The following TARBP1 variants were observed in gnomAD, a reference collection of about 807,000 sequenced individuals.
TARBP1 encodes tRNA (guanosine(18)-2'-O)-methyltransferase TARBP1.
TARBP1 carries 144 observed loss-of-function variants against 178.6 expected under a neutral mutation model. The ratio of observed to expected loss-of-function variants is 0.81; its 90% CI spans 0.70 to 0.93. TARBP1 has a LOEUF of 0.93. TARBP1 is among the 40% of genes least tolerant of loss of function. The probability of loss-of-function intolerance (pLI) is 0.00; values close to 1 mark genes in which losing one functional copy is unlikely to be tolerated. For synonymous variants in TARBP1, 787 were observed against 781.0 expected, an observed-to-expected ratio of 1.01 and a Z score of -0.13; for missense variants, 2,067 against 2,011.7, an observed-to-expected ratio of 1.03 and a Z score of -0.53.
At chr1:234,458,170 C>T (rs1429470228) in intron 8 of TARBP1, among the ~76,000 whole-genome samples, 1 of 152,070 alleles carries the variant, frequency 6.6e-6, no homozygotes, top group Non-Finnish European at 1.5e-5. Context: ...ATGGCAAAAC[C>T]CCATCTCTAC....
chr1:234,396,207 C>T (rs148945948), intron 26 of TARBP1, among the ~76,000 whole-genome samples: 45 of 152,352 alleles, frequency 3.0e-4, no homozygotes, highest in Non-Finnish European at 5.3e-4. Flanking sequence ...TCCAGTAACA[C>T]TGTATTTCCC....
In TARBP1 at chr1:234,478,462, C is replaced by A. The variant is rs1469895064; in HGVS notation, c.642G>T (p.Leu214=). ...ACCCCAGGGACGCCCCAGGCGCGGC[C>A]AGCCCGCCCCACACGGCCCGCAGCG... ...GAALRAVWGG[L]AAPGASLGSG... The change falls in exon 1 of 30, where the codon CTG becomes CTT. Residue 214 remains leucine, a synonymous_variant. Coordinates refer to ENST00000040877, the MANE Select transcript of TARBP1 (RefSeq NM_005646.4). The A allele has an allele frequency of 2.9e-6, 4 of 1,382,114 alleles. No individual in the cohort carries two copies. The Admixed American group carries it at 1.1e-4, about 39-fold the overall frequency. The allele number at this position is 1,382,114 out of a possible 1,614,324, so 85.6% of individuals were successfully genotyped here.
intron 24 of TARBP1, among the ~76,000 whole-genome samples, chr1:234,402,888 C>G (rs960581589): frequency 6.6e-6 from 1 of 152,074 alleles, no homozygotes; most frequent in African/African-American, 2.4e-5. Context: ...AGCTGGCCCC[C>G]TCTTGTACCT....
chr1:234,464,086 T>TA (rs2103274193), intron 5 of TARBP1, 152 bp from the exon 6 acceptor site: 2 of 462,756 alleles, frequency 4.3e-6, no homozygotes, highest in African/African-American at 4.1e-5. Flanking sequence ...CATTTTTCAG[T>TA]AAAATTCTGA....
chr1:234,474,404 G>C (rs1669395771), intron 1 of TARBP1, among the ~76,000 whole-genome samples: 1 of 151,870 alleles, frequency 6.6e-6, no homozygotes, highest in African/African-American at 2.4e-5. Context: ...ACAGAAAACA[G>C]AAAGGGACGA....
At position 234,410,597 on chromosome 1, in the gene TARBP1, G is replaced by A. The variant is rs573097854; in HGVS notation, c.3706-66C>T. On this transcript the variant is annotated intron_variant, in intron 22 of 29. Transcript: ENST00000040877. ...TACTGTGAAACATGCACGTGAAAGC[G>A]CCGTGCTGGACTCTATGAGGGCCCA... is the stretch of plus-strand genomic sequence containing the variant. 2,666 of 1,054,768 alleles carry A rather than the reference G, an allele frequency of 2.5e-3. 11 individuals carry two copies. The highest frequency in any genetic ancestry group is 5.3e-3 in the Middle Eastern group (26 of 4,886). The allele number at this position is 1,054,768 out of a possible 1,614,324, so 65.3% of individuals were successfully genotyped here.
chr1:234,429,520 G>C lies in TARBP1; in HGVS notation c.2767C>G (p.Gln923Glu). ...GACTGCAAAGTCCTTATTGGCATCT[G>C]AACGGCAGGTAGAAACGGTTCCAGA... Reference protein sequence around the residue: ...EILEPFLPAVQMPIRTLQSAL... With the variant: ...EILEPFLPAVEMPIRTLQSAL... The change falls in exon 16 of 30, where the codon CAG becomes GAG. Residue 923 changes from glutamine (Q) to glutamate (E), a missense_variant. Transcript: ENST00000040877. 1 of 1,614,188 alleles carries C rather than the reference G, an allele frequency of 6.2e-7. No homozygotes were observed. Among genetic ancestry groups the C allele is most frequent in the Non-Finnish European group, 8.5e-7 (1 of 1,180,028 alleles).
intron 9 of TARBP1, among the ~76,000 whole-genome samples, chr1:234,455,351 C>T (rs1016534085): frequency 6.6e-6 from 1 of 152,160 alleles, no homozygotes; most frequent in Non-Finnish European, 1.5e-5. Context: ...TACCTGCAGA[C>T]TATTCATTTA....
intron 12 of TARBP1, among the ~76,000 whole-genome samples, chr1:234,443,324 C>T (rs1188788627): frequency 3.3e-5 from 5 of 151,846 alleles, no homozygotes; most frequent in Admixed American, 6.6e-5. Flanking sequence ...GTTTGGTTTC[C>T]TAGTCTATGC....
At chr1:234,477,182 TAAAACAAA>T (rs1407136426) in intron 1 of TARBP1, among the ~76,000 whole-genome samples, 1 of 147,060 alleles carries the variant, frequency 6.8e-6, no homozygotes, top group Non-Finnish European at 1.5e-5. Context: ...CGAAACTCCA[TAAAACAAA>T]CAAACAAACA....
In TARBP1 at chr1:234,405,938, G is replaced by A; in HGVS notation, c.3954C>T (p.Ser1318=). ...EFDALTPVIE[S]SLHQVESMHG... Reference sequence around the variant, plus strand: ...GCATGCTTTCCACTTGATGGAGGCTGGATTCAATCACAGGAGTCAGGGCAT... The same window carrying A: ...GCATGCTTTCCACTTGATGGAGGCTAGATTCAATCACAGGAGTCAGGGCAT... The change falls in exon 24 of 30, where the codon TCC becomes TCT. Residue 1318 remains serine, a synonymous_variant. Coordinates refer to ENST00000040877, the MANE Select transcript of TARBP1 (RefSeq NM_005646.4). 2.5e-6 allele frequency: 4 copies of A among 1,614,108 alleles called. No individual in the cohort carries two copies. The highest frequency in any genetic ancestry group is 2.7e-5 in the African/African-American group (2 of 75,008).
At chr1:234,457,253 C>T (rs1480047527) in intron 9 of TARBP1, among the ~76,000 whole-genome samples, 1 of 152,112 alleles carries the variant, frequency 6.6e-6, no homozygotes, top group Non-Finnish European at 1.5e-5. Context: ...TGCAGAAAGT[C>T]AGGACAAACT....
In TARBP1 at chr1:234,405,958, G is replaced by C. The variant is rs1661195291; in HGVS notation, c.3934C>G (p.Leu1312Val). Residue 1312 changes from leucine to valine, a missense_variant, in exon 24 of 30, where the codon CTG (leucine) becomes GTG (valine). By Grantham distance (32) the Leu-to-Val change is conservative (BLOSUM62 1). Transcript: ENST00000040877. The stretch of plus-strand genomic sequence containing the variant: ...AGGCTGGATTCAATCACAGGAGTCA[G>C]GGCATCAAATTCTTCAACACTTAAC... ...KVLSVEEFDA[L>V]TPVIESSLHQ... The C allele has an allele frequency of 2.5e-6, 4 of 1,614,178 alleles. No individual in the cohort carries two copies. Among genetic ancestry groups the C allele is most frequent in the Non-Finnish European group, 3.4e-6 (4 of 1,180,032 alleles).
chr1:234,400,674 CATA>C lies in TARBP1; in HGVS notation c.4071+504_4071+506del, dbSNP rs376447665. 6.6e-3 allele frequency among the ~76,000 whole-genome samples: 1,000 copies of C among 152,252 alleles called. 20 individuals carry two copies. The highest frequency in any genetic ancestry group is 0.023 in the African/African-American group (939 of 41,540). On this transcript the variant is annotated intron_variant, in intron 25 of 29. Transcript: ENST00000040877. ...ATATTGAATTAATTTACATGTTAAT[CATA>C]ATAAGCATGTTTATGGTTCTTAAAA... is the stretch of plus-strand genomic sequence containing the variant.
Position 234,398,415 on chromosome 1 carries a change from G to A in TARBP1, c.4210C>T (p.Leu1404=), listed in dbSNP as rs774556287. The A allele has an allele frequency of 6.2e-7, 1 of 1,610,036 alleles. No homozygotes were observed. Among genetic ancestry groups the A allele is most frequent in the East Asian group, 2.2e-5 (1 of 44,792 alleles). ...WYLSQTQLSK[L]KPGDWSQQDI... Reference sequence around the variant, plus strand: ...TGCTGAGACCAGTCACCTGGTTTTAGTTTACTAAGTTGAGTTTGAGAAAGG... The same window carrying A: ...TGCTGAGACCAGTCACCTGGTTTTAATTTACTAAGTTGAGTTTGAGAAAGG... Residue 1404 remains leucine, a synonymous_variant, in exon 26 of 30, where the codon CTA becomes TTA. Coordinates refer to ENST00000040877, the MANE Select transcript of TARBP1 (RefSeq NM_005646.4).
In TARBP1 at chr1:234,420,679, C is replaced by CA. The variant is rs778635063; in HGVS notation, c.3555+22dup. The CA allele has an allele frequency of 5.4e-6, 8 of 1,493,290 alleles. No homozygotes were observed. In the South Asian group the frequency reaches 9.5e-5, roughly 18 times the overall value. The allele number at this position is 1,493,290 out of a possible 1,614,324, so 92.5% of individuals were successfully genotyped here. ...CATGAAATCATATGCTTCAAAGGTA[C>CA]AAATATAATAAAAATATGATACCTG... On this transcript the variant is annotated intron_variant, in intron 21 of 29. Transcript: ENST00000040877.
At position 234,429,599 on chromosome 1, in the gene TARBP1, G is replaced by A; in HGVS notation, c.2688C>T (p.Leu896=). The change falls in exon 16 of 30, where the codon CTC becomes CTT. Residue 896 remains leucine (L), a synonymous_variant. Coordinates refer to ENST00000040877, the MANE Select transcript of TARBP1 (RefSeq NM_005646.4). The stretch of plus-strand genomic sequence containing the variant: ...TGTGATATTTTTTCAACAGGAAAGA[G>A]AGGCACACCCATTGATCATGAATAT... ...AQYIHDQWVC[L]SFLLKKYHTL... 1 of 1,614,154 alleles carries A rather than the reference G, an allele frequency of 6.2e-7. No individual in the cohort carries two copies. Among genetic ancestry groups the A allele is most frequent in the Non-Finnish European group, 8.5e-7 (1 of 1,180,018 alleles).
Position 234,398,568 on chromosome 1 carries a change from A to C in TARBP1, c.4072-15T>G, listed in dbSNP as rs1401877748. On this transcript the variant is annotated splice_polypyrimidine_tract_variant and intron_variant, in intron 25 of 29. Transcript: ENST00000040877. ...TAAAATATGGTCTGAAAAGAGAATT[A>C]TAAAATCTAAATTTCTTCCCTTAAG... 6.6e-7 allele frequency: 1 copy of C among 1,526,528 alleles called. No individual in the cohort carries two copies. Among genetic ancestry groups the C allele is most frequent in the Non-Finnish European group, 8.8e-7 (1 of 1,130,942 alleles). The allele number at this position is 1,526,528 out of a possible 1,614,324, so 94.6% of individuals were successfully genotyped here. A position where few individuals can be genotyped will look rare whatever the true frequency, so the allele number is the denominator to read the frequency against.
intron 26 of TARBP1, 183 bp downstream of exon 26, chr1:234,398,199 C>T: frequency 8.3e-6 from 3 of 362,636 alleles, no homozygotes; most frequent in Non-Finnish European, 9.4e-6. Flanking sequence ...AGCTAAGTTT[C>T]ACTAAAAGTG....
Sources: gnomAD v4.1 joint callset for allele counts (sites outside exome capture counted in the v4.1 genomes callset) on GRCh38, gnomAD v4.1.1 for gene constraint, MANE v1.5 for transcripts, NCBI Gene and HGNC (gene_info 2026-07-23, HGNC 2026-07-21) for gene names.